Variants in LIMS4 observed in about 807,000 individuals in gnomAD.
The protein encoded by LIMS4 is LIM zinc finger domain containing 4.
chr2:110,373,607 GA>G, the LIMS4 span, among the ~76,000 whole-genome samples: 1 of 151,388 alleles, frequency 6.6e-6, no homozygotes, highest in Non-Finnish European at 1.5e-5. Flanking sequence ...TCACTCCACA[GA>G]GGGGGAAACT....
chr2:110,378,959 G>T, the LIMS4 span, among the ~76,000 whole-genome samples: 1 of 146,690 alleles, frequency 6.8e-6, no homozygotes, highest in African/African-American at 2.7e-5. Context: ...TGATTTTTCA[G>T]TTGATGCTCT....
At chr2:110,453,977 TA>T (rs1274424605) in intron 5 of LIMS4, among the ~76,000 whole-genome samples, 2 of 86,476 alleles carry the variant, frequency 2.3e-5, no homozygotes, top group Non-Finnish European at 4.4e-5. Context: ...CCAAATTAAA[TA>T]AATATAACAA....
the LIMS4 span, among the ~76,000 whole-genome samples, chr2:110,424,890 C>T: frequency 2.1e-5 from 3 of 142,718 alleles, no homozygotes; most frequent in South Asian, 4.4e-4. Context: ...TAGCCAATTG[C>T]GGGGAGGATT....
the LIMS4 span, among the ~76,000 whole-genome samples, chr2:110,424,538 A>C: frequency 6.9e-6 from 1 of 144,182 alleles, no homozygotes; most frequent in Non-Finnish European, 1.5e-5. Context: ...TCCTGTACCA[A>C]CCAACTTCAC....
At chr2:110,360,373 CAA>C in the LIMS4 span, among the ~76,000 whole-genome samples, 899 of 26,888 alleles carry the variant, frequency 0.033, no homozygotes, top group Middle Eastern at 0.083. Context: ...AAACATGTAA[CAA>C]AGAGTATAAA....
At chr2:110,391,193 C>T in the LIMS4 span, among the ~76,000 whole-genome samples, 1 of 151,534 alleles carries the variant, frequency 6.6e-6, no homozygotes, top group African/African-American at 2.4e-5. Context: ...GCCAGGTCCA[C>T]TGTATGATGG....
chr2:110,392,391 A>T, the LIMS4 span, among the ~76,000 whole-genome samples: 2 of 151,060 alleles, frequency 1.3e-5, no homozygotes, highest in Non-Finnish European at 2.9e-5. Context: ...GTGAGCCAAG[A>T]TCACGCCATT....
chr2:110,391,978 C>T, the LIMS4 span, among the ~76,000 whole-genome samples: 45 of 150,536 alleles, frequency 3.0e-4, no homozygotes, highest in East Asian at 2.5e-3. Context: ...GCAGTCAGCA[C>T]GCCTGAGAAG....
At chr2:110,371,220 T>G in the LIMS4 span, among the ~76,000 whole-genome samples, 1 of 119,250 alleles carries the variant, frequency 8.4e-6, no homozygotes, top group South Asian at 2.8e-4. Context: ...TACTTACTGT[T>G]TCGTTTCTAT....
chr2:110,372,714 C>T, the LIMS4 span, among the ~76,000 whole-genome samples: 2 of 148,848 alleles, frequency 1.3e-5, no homozygotes, highest in Admixed American at 6.6e-5. Context: ...CCATGTTGGC[C>T]ATGTTGGTCT....
chr2:110,411,312 C>G, the LIMS4 span, among the ~76,000 whole-genome samples: 1 of 131,012 alleles, frequency 7.6e-6, no homozygotes, highest in Non-Finnish European at 1.6e-5. Flanking sequence ...ATACAGTTCC[C>G]AGGACATGCT....
intron 8 of LIMS4, among the ~76,000 whole-genome samples, chr2:110,448,346 CATTT>C (rs1291600642): frequency 3.4e-5 from 4 of 119,286 alleles, no homozygotes; most frequent in East Asian, 2.4e-4. Context: ...GTCTTGTATA[CATTT>C]ATTTATTTAT....
chr2:110,366,146 C>T, the LIMS4 span, among the ~76,000 whole-genome samples: 8,471 of 148,064 alleles, frequency 0.057, 23 homozygotes, highest in African/African-American at 0.16. Flanking sequence ...CTGCTTGAAA[C>T]TATTCCAAAC....
At chr2:110,396,145 G>A in the LIMS4 span, among the ~76,000 whole-genome samples, 2 of 109,570 alleles carry the variant, frequency 1.8e-5, no homozygotes, top group Admixed American at 1.9e-4. Flanking sequence ...TTTTAACACT[G>A]CGTCCGTTTA....
chr2:110,418,713 T>A, the LIMS4 span, among the ~76,000 whole-genome samples: 2 of 64,314 alleles, frequency 3.1e-5, no homozygotes, highest in South Asian at 1.3e-3. Context: ...TAGAGTGCAG[T>A]GGCATGATCA....
the LIMS4 span, among the ~76,000 whole-genome samples, chr2:110,385,267 G>A: frequency 1.3e-5 from 2 of 150,612 alleles, no homozygotes; most frequent in African/African-American, 5.0e-5. Context: ...CTTATGTTAG[G>A]TGTAGTCCTA....
At chr2:110,433,364 G>T in the LIMS4 span, 1 of 147,674 alleles carries the variant, frequency 6.8e-6, no homozygotes, top group Admixed American at 6.8e-5. Context: ...CTATGATCTG[G>T]ATTTTTAGAT....
At chr2:110,385,255 C>T in the LIMS4 span, among the ~76,000 whole-genome samples, 1 of 151,002 alleles carries the variant, frequency 6.6e-6, no homozygotes, top group Non-Finnish European at 1.5e-5. Flanking sequence ...GTTCATAGTC[C>T]CCTTATGTTA....
chr2:110,390,477 G>A, the LIMS4 span, among the ~76,000 whole-genome samples: 8 of 134,388 alleles, frequency 6.0e-5, no homozygotes, highest in East Asian at 2.2e-4. Flanking sequence ...ATGTGGGAGC[G>A]TGGATTTGCC....
Sources: allele counts gnomAD v4.1 joint callset (sites outside exome capture counted in the v4.1 genomes callset), GRCh38; gene constraint gnomAD v4.1.1; transcripts MANE v1.5; gene names NCBI Gene and HGNC (gene_info 2026-07-23, HGNC 2026-07-21).